Variants in GOLGA3 observed in about 807,000 individuals in gnomAD.
The protein encoded by GOLGA3 is golgin subfamily A member 3.
In GOLGA3, 75 loss-of-function variants were observed where a neutral mutation model predicts 169.4. That is an observed-to-expected ratio of 0.44 (90% CI 0.37 to 0.54). GOLGA3 has a LOEUF of 0.54. Ranked by LOEUF, GOLGA3 falls within the 20% of genes least tolerant of loss-of-function variation. GOLGA3 has a pLI of 0.00. For missense variants in GOLGA3, 1,899 were observed against 1,930.0 expected, an observed-to-expected ratio of 0.98 and a Z score of 0.30; for synonymous variants, 824 against 822.4, an observed-to-expected ratio of 1.00 and a Z score of -0.03.
At chr12:132,818,864 C>T (rs1950097740) in intron 2 of GOLGA3, among the ~76,000 whole-genome samples, 1 of 152,060 alleles carries the variant, frequency 6.6e-6, no homozygotes, top group Non-Finnish European at 1.5e-5. Context: ...TGGGTAAAGG[C>T]CTGGGTTGGA....
rs1388436071 is a variant in GOLGA3 at position 132,782,567 on chromosome 12, G to C, written c.3268-74C>G. 5.7e-6 allele frequency: 7 copies of C among 1,225,554 alleles called. No individual in the cohort carries two copies. In the African/African-American group the frequency reaches 1.0e-4, roughly 18 times the overall value. The allele number at this position is 1,225,554 out of a possible 1,614,324, so 75.9% of individuals were successfully genotyped here. ...GTTCACATACCCCAGAAACAGGTGA[G>C]TTTTCAACAAGAAACAGCGAAAACT... is the stretch of plus-strand genomic sequence containing the variant. On this transcript the variant is annotated intron_variant, in intron 16 of 23. Transcript: ENST00000450791.
intron 18 of GOLGA3, among the ~76,000 whole-genome samples, chr12:132,779,853 G>A (rs527672948): frequency 0.019 from 1,703 of 89,048 alleles, 58 homozygotes; most frequent in African/African-American, 0.065. Flanking sequence ...ACCCCCCCGC[G>A]CACATACACA....
At position 132,807,167 on chromosome 12, in the gene GOLGA3, C is replaced by T. The variant is rs1348108556; in HGVS notation, c.1290+10G>A. 4 of 1,552,030 alleles carry T rather than the reference C, an allele frequency of 2.6e-6. No individual in the cohort carries two copies. Among genetic ancestry groups the T allele is most frequent in the Admixed American group, 1.7e-5 (1 of 57,482 alleles). Reference sequence around the variant, plus strand: ...GCCGCACGCTGAGATGTCAGTCGAACGTCCGTTACCTGACTCGCCTCCAGT... The same window carrying T: ...GCCGCACGCTGAGATGTCAGTCGAATGTCCGTTACCTGACTCGCCTCCAGT... On this transcript the variant is annotated intron_variant, in intron 6 of 23. Transcript: ENST00000450791.
At position 132,782,615 on chromosome 12, in the gene GOLGA3, G is replaced by A. The variant is rs148759519; in HGVS notation, c.3268-122C>T. 3.0e-3 allele frequency: 2,286 copies of A among 764,710 alleles called. 29 individuals are homozygous for A. Among genetic ancestry groups the A allele is most frequent in the African/African-American group, 0.029 (1,667 of 58,158 alleles). 47.4% of individuals were successfully genotyped at this position (764,710 alleles called of 1,614,324 possible). A position where few individuals can be genotyped will look rare whatever the true frequency, so the allele number is the denominator to read the frequency against. ...ACTTAGGCCAGGCGCAGAGGCTCAC[G>A]CCTGTAATCACAGCACATTGGGAGG... On this transcript the variant is annotated intron_variant, in intron 16 of 23. Transcript: ENST00000450791.
At chr12:132,816,894 G>A (rs1403642688) in intron 2 of GOLGA3, 82 bp from the exon 3 acceptor site, 12 of 1,251,312 alleles carry the variant, frequency 9.6e-6, no homozygotes, top group East Asian at 2.5e-5. Flanking sequence ...TGGAGTAGGA[G>A]AGAAGAGGAT....
At chr12:132,782,228 T>G (rs950238095) in intron 17 of GOLGA3, 68 bp downstream of exon 17, 4 of 1,341,162 alleles carry the variant, frequency 3.0e-6, no homozygotes, top group Non-Finnish European at 4.3e-6. Context: ...TGGATGAGAT[T>G]CTCGGAGTGC....
intron 5 of GOLGA3, among the ~76,000 whole-genome samples, chr12:132,807,650 A>G (rs1949472426): frequency 6.6e-6 from 1 of 152,214 alleles, no homozygotes; most frequent in East Asian, 1.9e-4. Flanking sequence ...TGTCAAGACT[A>G]AGGATAGAAT....
At chr12:132,774,953 T>C (rs1282895548) in intron 22 of GOLGA3, 188 bp downstream of exon 22, 2 of 579,120 alleles carry the variant, frequency 3.5e-6, no homozygotes, top group Non-Finnish European at 6.1e-6. Context: ...GAAAACACTG[T>C]TGGATGAATG....
At chr12:132,821,169 T>G (rs112404489) in intron 2 of GOLGA3, among the ~76,000 whole-genome samples, 16,954 of 143,878 alleles carry the variant, frequency 0.12, 1,286 homozygotes, top group Non-Finnish European at 0.17. Context: ...CACTTTGGGA[T>G]GCCAAGGTGG....
intron 18 of GOLGA3, among the ~76,000 whole-genome samples, chr12:132,780,143 T>C (rs2045510292): frequency 2.4e-5 from 3 of 123,808 alleles, no homozygotes; most frequent in Non-Finnish European, 5.2e-5. Context: ...GGCACACGTG[T>C]GTACAGACAT....
intron 22 of GOLGA3, 120 bp downstream of exon 22, chr12:132,775,021 G>T: frequency 1.3e-6 from 1 of 757,996 alleles, no homozygotes; most frequent in Non-Finnish European, 2.1e-6. Context: ...CACAGCAGCT[G>T]CTCAGTGTGG....
chr12:132,811,488 T>A (rs1949705877), intron 4 of GOLGA3, among the ~76,000 whole-genome samples: 1 of 152,182 alleles, frequency 6.6e-6, no homozygotes, highest in African/African-American at 2.4e-5. Flanking sequence ...TTTTATTTTT[T>A]TTTTGAGATG....
At chr12:132,829,011 G>A (rs1277227281), upstream of GOLGA3, among the ~76,000 whole-genome samples, 1 of 152,244 alleles carries the variant, frequency 6.6e-6, no homozygotes, top group South Asian at 2.1e-4. Context: ...GGTCCGGATC[G>A]AGCTCACCTC....
At chr12:132,773,403 C>A in intron 23 of GOLGA3, 109 bp from the exon 24 acceptor site, 2 of 611,476 alleles carry the variant, frequency 3.3e-6, no homozygotes, top group Admixed American at 3.6e-5. Context: ...GGGGCGCCTT[C>A]GGGGATCCGC....
intron 12 of GOLGA3, 21 bp from the exon 13 acceptor site, chr12:132,789,311 G>A (rs1382450357): frequency 1.3e-5 from 20 of 1,553,556 alleles, no homozygotes; most frequent in Non-Finnish European, 1.5e-5. Flanking sequence ...CAGAGGCTGT[G>A]AGCGGACGCT....
chr12:132,794,767 G>C (rs1340014830), intron 11 of GOLGA3, among the ~76,000 whole-genome samples: 3 of 152,204 alleles, frequency 2.0e-5, no homozygotes, highest in African/African-American at 7.2e-5. Flanking sequence ...ACTGTAAACA[G>C]TAATGACCTG....
At chr12:132,827,396 G>A (rs1950466403) in intron 1 of GOLGA3, among the ~76,000 whole-genome samples, 1 of 152,214 alleles carries the variant, frequency 6.6e-6, no homozygotes, top group African/African-American at 2.4e-5. Context: ...ACTTACCTGT[G>A]AGAGCCTGGG....
chr12:132,789,348 TG>T lies in GOLGA3; in HGVS notation c.2548-59del, dbSNP rs201418691. On this transcript the variant is annotated intron_variant, in intron 12 of 23. Coordinates refer to ENST00000450791, the MANE Select transcript of GOLGA3 (RefSeq NM_001389683.1). ...GGCGGCGGGGCGTGGGGGGCGTACC[TG>T]GGGGTCAAGCTGGCTTCAACAAAAA... 2,938 of 1,453,646 alleles carry T rather than the reference TG, an allele frequency of 2.0e-3. 42 individuals are homozygous for T. In the African/African-American group the frequency reaches 0.035, roughly 17 times the overall value. 90.0% of individuals were successfully genotyped at this position (1,453,646 alleles called of 1,614,324 possible).
chr12:132,827,656 C>T (rs1303062364), intron 1 of GOLGA3: 2 of 152,200 alleles, frequency 1.3e-5, no homozygotes, highest in African/African-American at 4.8e-5. Flanking sequence ...AAAAGCTCCT[C>T]TTCAATCTGA....
Sources: gnomAD v4.1 joint callset for allele counts (sites outside exome capture counted in the v4.1 genomes callset) on GRCh38, gnomAD v4.1.1 for gene constraint, MANE v1.5 for transcripts, NCBI Gene and HGNC (gene_info 2026-07-23, HGNC 2026-07-21) for gene names.